SDK1: variants seen among roughly 807,000 people sequenced by gnomAD.
The protein encoded by SDK1 is sidekick cell adhesion molecule 1.
A neutral mutation model predicts 245.5 loss-of-function variants in SDK1; 157 were observed. The ratio of observed to expected loss-of-function variants is 0.64; its 90% CI spans 0.56 to 0.73. The LOEUF is 0.73. Among genes scored for constraint, SDK1 ranks in the 30% least tolerant of loss-of-function variants. The probability of loss-of-function intolerance (pLI) is 0.00; values close to 1 mark genes in which losing one functional copy is unlikely to be tolerated. For synonymous variants in SDK1, 1,647 were observed against 1,278.5 expected, an observed-to-expected ratio of 1.29 and a Z score of -6.15; for missense variants, 3,583 against 3,002.3, an observed-to-expected ratio of 1.19 and a Z score of -4.52.
intron 19 of SDK1, among the ~76,000 whole-genome samples, chr7:4,056,623 G>T (rs540785342): frequency 6.6e-6 from 1 of 152,032 alleles, no homozygotes; most frequent in African/African-American, 2.4e-5. Flanking sequence ...CCTGCAATCC[G>T]AGCCACAGGA....
intron 5 of SDK1, among the ~76,000 whole-genome samples, chr7:3,825,733 C>T (rs1179227866): frequency 2.0e-5 from 3 of 152,202 alleles, no homozygotes; most frequent in African/African-American, 7.2e-5. Context: ...CATGAACAGT[C>T]ATTTCAGAGG....
intron 5 of SDK1, among the ~76,000 whole-genome samples, chr7:3,924,249 G>A (rs1029039279): frequency 6.6e-6 from 1 of 152,284 alleles, no homozygotes; most frequent in East Asian, 1.9e-4. Flanking sequence ...CTGAGGAGCA[G>A]TTGCGTGGAA....
intron 1 of SDK1, among the ~76,000 whole-genome samples, chr7:3,383,436 C>T (rs190214085): frequency 1.3e-5 from 2 of 152,148 alleles, no homozygotes; most frequent in South Asian, 2.1e-4. Context: ...GGGTGATTTC[C>T]CTCTCCCCAG....
intron 5 of SDK1, among the ~76,000 whole-genome samples, chr7:3,887,293 T>G (rs1014683435): frequency 6.6e-6 from 1 of 152,202 alleles, no homozygotes; most frequent in African/African-American, 2.4e-5. Context: ...GAAATGATAA[T>G]GACATTTCTA....
intron 1 of SDK1, among the ~76,000 whole-genome samples, chr7:3,589,902 A>G (rs189514247): frequency 3.3e-5 from 5 of 152,344 alleles, no homozygotes; most frequent in Admixed American, 6.5e-5. Flanking sequence ...CCAAGTAATA[A>G]GCAATAACAG....
chr7:3,344,297 C>T (rs193132511), intron 1 of SDK1, among the ~76,000 whole-genome samples: 1 of 152,284 alleles, frequency 6.6e-6, no homozygotes, highest in African/African-American at 2.4e-5. Context: ...GTATACAGTT[C>T]AGTAGCATCA....
intron 1 of SDK1, among the ~76,000 whole-genome samples, chr7:3,390,376 C>T (rs942848613): frequency 2.0e-5 from 3 of 152,204 alleles, no homozygotes; most frequent in Admixed American, 2.0e-4. Context: ...AGTGACTTCA[C>T]TGATCTAATT....
intron 22 of SDK1, among the ~76,000 whole-genome samples, chr7:4,082,462 G>A (rs1293201167): frequency 6.6e-6 from 1 of 151,288 alleles, no homozygotes; most frequent in Non-Finnish European, 1.5e-5. Context: ...TTGAACCTGG[G>A]AGGCGGAGTT....
At position 4,013,654 on chromosome 7, in the gene SDK1, C is replaced by A. The variant is rs549665313; in HGVS notation, c.2420+1419C>A. Among the ~76,000 whole-genome samples the A allele has an allele frequency of 7.2e-5, 11 of 152,334 alleles. No homozygotes were observed. In the South Asian group the frequency reaches 8.3e-4, roughly 11 times the overall value. On this transcript the variant is annotated intron_variant, in intron 16 of 44. Transcript: ENST00000404826. ...ATATGTGTTTTTCTATGTGCCTGGA[C>A]TATTTGCCTGTCAAAACCAATTTGC...
At chr7:3,907,066 G>T (rs533328464) in intron 5 of SDK1, among the ~76,000 whole-genome samples, 2 of 152,282 alleles carry the variant, frequency 1.3e-5, no homozygotes, top group East Asian at 3.9e-4. Flanking sequence ...GTCTGAGCCA[G>T]TGTATTCTAA....
At chr7:4,180,913 G>A (rs916060017) in intron 35 of SDK1, among the ~76,000 whole-genome samples, 3 of 152,076 alleles carry the variant, frequency 2.0e-5, no homozygotes, top group African/African-American at 4.8e-5. Context: ...AGCTCAACAT[G>A]AGACTTGGGC....
Position 3,301,295 on chromosome 7 carries a change from C to CGGT in SDK1, c.-292_-291insGGT, listed in dbSNP as rs1324287783. Reference sequence around the variant, plus strand: ...CGGGCGGGGGCGGCGGCGGCGGCGGCTCCTCCGCGCCCGGCGGACCCCTCG... The same window carrying CGGT: ...CGGGCGGGGGCGGCGGCGGCGGCGGCGGTTCCTCCGCGCCCGGCGGACCCCTCG... On this transcript the variant is annotated 5_prime_UTR_variant, in exon 1 of 45. Coordinates refer to ENST00000404826, the MANE Select transcript of SDK1 (RefSeq NM_152744.4). Among the ~76,000 whole-genome samples, 1 of 144,688 alleles carries CGGT rather than the reference C, an allele frequency of 6.9e-6. No homozygotes were observed. Among genetic ancestry groups the CGGT allele is most frequent in the African/African-American group, 2.5e-5 (1 of 39,908 alleles). 94.9% of individuals were successfully genotyped at this position (144,688 alleles called of 152,430 possible). A position where few individuals can be genotyped will look rare whatever the true frequency, so the allele number is the denominator to read the frequency against.
intron 1 of SDK1, among the ~76,000 whole-genome samples, chr7:3,390,428 T>C (rs990146493): frequency 5.3e-5 from 8 of 152,204 alleles, no homozygotes; most frequent in Non-Finnish European, 1.2e-4. Flanking sequence ...TGCATCCTCT[T>C]ATTGTGCACA....
chr7:3,454,215 A>C (rs1780604790), intron 1 of SDK1, among the ~76,000 whole-genome samples: 2 of 152,246 alleles, frequency 1.3e-5, no homozygotes, highest in South Asian at 4.1e-4. Flanking sequence ...AAAATAATTT[A>C]CATCAAGGAA....
rs570963208 is a variant in SDK1, at chr7:3,574,481, C to T, written c.299-44599C>T. On this transcript the variant is annotated intron_variant, in intron 1 of 44. Transcript: ENST00000404826. ...CTACTGTTGTTAACTGATGGCAGAA[C>T]GTAGGTTTAAGGTAACCAACGGGGC... 9.9e-5 allele frequency among the ~76,000 whole-genome samples: 15 copies of T among 152,122 alleles called. 1 individual carries two copies. The South Asian group carries it at 2.1e-3, about 21-fold the overall frequency.
In SDK1 at chr7:4,265,221, C is replaced by G. The variant is rs753482442; in HGVS notation, c.6479C>G (p.Ala2160Gly). 1.9e-6 allele frequency: 3 copies of G among 1,609,528 alleles called. No homozygotes were observed. The highest frequency in any genetic ancestry group is 2.5e-6 in the Non-Finnish European group (3 of 1,179,478). The stretch of plus-strand genomic sequence containing the variant: ...TACTACAACTCATGGAAGCGCAGGG[C>G]CCAGGGCCGCGCACCTGCGCCGCAC... ...PTYYNSWKRR[A>G]QGRAPAPHRY... Residue 2160 changes from alanine (A) to glycine (G), a missense_variant, in exon 45 of 45, where the codon GCC becomes GGC. Transcript: ENST00000404826.
chr7:3,955,437 C>A (rs932268096), intron 7 of SDK1, among the ~76,000 whole-genome samples: 12 of 152,188 alleles, frequency 7.9e-5, no homozygotes, highest in South Asian at 4.1e-4. Flanking sequence ...CCAAGAGAGT[C>A]TCCCTATTTT....
intron 1 of SDK1, among the ~76,000 whole-genome samples, chr7:3,611,804 A>G (rs540661228): frequency 7.9e-5 from 12 of 152,324 alleles, no homozygotes; most frequent in African/African-American, 2.6e-4. Flanking sequence ...AAAAATGGCC[A>G]TAATGAAAAA....
At chr7:4,055,025 T>G (rs552582935) in intron 19 of SDK1, among the ~76,000 whole-genome samples, 1 of 152,248 alleles carries the variant, frequency 6.6e-6, no homozygotes, top group African/African-American at 2.4e-5. Context: ...CTTTTGCATG[T>G]AAGTTCATGA....
Sources: allele counts gnomAD v4.1 joint callset (sites outside exome capture counted in the v4.1 genomes callset), GRCh38; gene constraint gnomAD v4.1.1; transcripts MANE v1.5; gene names NCBI Gene and HGNC (gene_info 2026-07-23, HGNC 2026-07-21).